The following RIN3 variants were observed in gnomAD, a reference collection of about 807,000 sequenced individuals.
The protein encoded by RIN3 is Ras and Rab interactor 3.
RIN3 carries 54 observed loss-of-function variants against 76.3 expected under a neutral mutation model. The ratio of observed to expected loss-of-function variants is 0.71; its 90% CI spans 0.57 to 0.89. RIN3 has a LOEUF of 0.89. Among genes scored for constraint, RIN3 ranks in the 40% least tolerant of loss-of-function variants. RIN3 has a pLI of 0.00. For missense variants in RIN3, 1,256 were observed against 1,322.1 expected (o/e 0.95, Z 0.78); for synonymous variants, 576 against 564.0 (o/e 1.02, Z -0.30).
chr14:92,602,079 G>A (rs1194534365), intron 3 of RIN3, among the ~76,000 whole-genome samples: 1 of 152,246 alleles, frequency 6.6e-6, no homozygotes, highest in African/African-American at 2.4e-5. Flanking sequence ...GCAACGACGA[G>A]CCCTGTGAAG....
At chr14:92,540,101 G>T (rs1897097757) in intron 1 of RIN3, among the ~76,000 whole-genome samples, 1 of 152,226 alleles carries the variant, frequency 6.6e-6, no homozygotes. Flanking sequence ...AGTGACAGAA[G>T]GCCTGCAGCG....
At chr14:92,627,690 G>A (rs955995971) in intron 4 of RIN3, among the ~76,000 whole-genome samples, 4 of 152,200 alleles carry the variant, frequency 2.6e-5, no homozygotes, top group African/African-American at 7.2e-5. Flanking sequence ...GTCACAGTGG[G>A]TGGGGTCCCA....
intron 1 of RIN3, among the ~76,000 whole-genome samples, chr14:92,536,742 GAAAA>G (rs66654234): frequency 1.6e-5 from 2 of 128,230 alleles, no homozygotes; most frequent in Admixed American, 8.1e-5. Flanking sequence ...CTCCGTCTCA[GAAAA>G]AAAAAAAAAA....
intron 7 of RIN3, among the ~76,000 whole-genome samples, chr14:92,673,795 C>T (rs1441819315): frequency 6.6e-6 from 1 of 152,172 alleles, no homozygotes; most frequent in Non-Finnish European, 1.5e-5. Flanking sequence ...CATGAGCCAC[C>T]GCGCCCGGCC....
At chr14:92,527,844 C>T (rs1024652273) in intron 1 of RIN3, among the ~76,000 whole-genome samples, 11 of 152,120 alleles carry the variant, frequency 7.2e-5, no homozygotes, top group African/African-American at 2.7e-4. Context: ...TCCTCTTTGT[C>T]GCTGAGAATA....
intron 1 of RIN3, among the ~76,000 whole-genome samples, chr14:92,536,962 CAT>C (rs931907581): frequency 3.3e-5 from 5 of 151,764 alleles, no homozygotes; most frequent in Non-Finnish European, 7.4e-5. Context: ...ACTCTGGAAA[CAT>C]AATTTATTTC....
chr14:92,654,084 T>TG (rs942472596), intron 6 of RIN3, among the ~76,000 whole-genome samples: 3 of 150,768 alleles, frequency 2.0e-5, no homozygotes, highest in South Asian at 4.2e-4. Context: ...GAGGCTGAGG[T>TG]GGGGGGATCA....
chr14:92,577,301 C>T, intron 2 of RIN3, 59 bp from the exon 3 acceptor site: 2 of 1,218,322 alleles, frequency 1.6e-6, no homozygotes, highest in Admixed American at 1.8e-5. Context: ...CGTGGTTGTC[C>T]TCCTCACCTT....
Position 92,688,111 on chromosome 14 carries a change from G to A in RIN3, c.2817G>A (p.Leu939=), listed in dbSNP as rs1408546747. Residue 939 remains leucine (L), a synonymous_variant, in exon 10 of 10, where the codon CTG becomes CTA. Coordinates refer to ENST00000216487, the MANE Select transcript of RIN3 (RefSeq NM_024832.5). ...GCTTCCAGCTGGCGGACGACGCGCT[G>A]CCGCACTGCATCAAGGGCTACCTGC... The part of the protein sequence containing the change: ...GRCFQLADDA[L]PHCIKGYLLR... The A allele has an allele frequency of 6.2e-7, 1 of 1,608,758 alleles. No homozygotes were observed. Among genetic ancestry groups the A allele is most frequent in the African/African-American group, 1.3e-5 (1 of 74,992 alleles).
At position 92,652,097 on chromosome 14, in the gene RIN3, G is replaced by A. The variant is rs1182937712; in HGVS notation, c.1048G>A (p.Gly350Ser). 1 of 1,605,490 alleles carries A rather than the reference G, an allele frequency of 6.2e-7. No homozygotes were observed. ...TCERLPCPTA[G>S]LGPLREEAMK... ...CGAGAGACTCCCATGCCCCACTGCA[G>A]GCCTGGGCCCCCTCAGGGAGGAAGC... is the stretch of plus-strand genomic sequence containing the variant. The change falls in exon 6 of 10, where the codon GGC becomes AGC. Residue 350 changes from glycine (G) to serine (S), a missense_variant. Physicochemically the swap from Gly to Ser is moderately conservative, Grantham distance 56. Coordinates refer to ENST00000216487, the MANE Select transcript of RIN3 (RefSeq NM_024832.5). The surrounding 1 kb of genome is among the most constrained non-coding windows in gnomAD (Gnocchi z 6.4).
At position 92,623,604 on chromosome 14, in the gene RIN3, G is replaced by A. The variant is rs138668320; in HGVS notation, c.440+8125G>A. On this transcript the variant is annotated intron_variant, in intron 4 of 9. Transcript: ENST00000216487. This position sits in a 1 kb window ranked among gnomAD's most constrained non-coding sequence, Gnocchi z 4.9. The stretch of plus-strand genomic sequence containing the variant: ...TGAGGGGCCTCTCTTGTTTTACGGC[G>A]TTGTGGTTTCTTTTTTTCTGGTTGT... Among the ~76,000 whole-genome samples the A allele has an allele frequency of 4.6e-5, 7 of 152,272 alleles. No individual in the cohort carries two copies. Among genetic ancestry groups the A allele is most frequent in the East Asian group, 1.9e-4 (1 of 5,186 alleles).
chr14:92,574,912 C>A (rs973923896), intron 2 of RIN3, among the ~76,000 whole-genome samples: 2 of 152,110 alleles, frequency 1.3e-5, no homozygotes, highest in Non-Finnish European at 2.9e-5. Context: ...AGTTGAAGGT[C>A]CTGAGTTTCA....
chr14:92,574,514 C>T (rs1898157585), intron 2 of RIN3, among the ~76,000 whole-genome samples: 1 of 152,190 alleles, frequency 6.6e-6, no homozygotes, highest in East Asian at 1.9e-4. Context: ...AAGCTTCCAG[C>T]TTGCTTGTCT....
intron 3 of RIN3, among the ~76,000 whole-genome samples, chr14:92,591,299 A>C (rs949444649): frequency 6.6e-6 from 1 of 152,212 alleles, no homozygotes; most frequent in Non-Finnish European, 1.5e-5. Context: ...AAGCAAAGAG[A>C]AAAAAGACTG....
chr14:92,578,440 G>A (rs779171595), intron 3 of RIN3, among the ~76,000 whole-genome samples: 17 of 152,034 alleles, frequency 1.1e-4, no homozygotes, highest in Admixed American at 4.6e-4. Flanking sequence ...TCTCCTCCTC[G>A]CATGGTATAA....
chr14:92,675,833 T>C (rs1477031845), intron 7 of RIN3, among the ~76,000 whole-genome samples: 2 of 152,200 alleles, frequency 1.3e-5, no homozygotes, highest in African/African-American at 4.8e-5. Context: ...ACTGTTCCTT[T>C]ATAGAGCGCC....
rs180820430 is a variant in RIN3, at chr14:92,640,049, C to T, written c.441-1189C>T. On this transcript the variant is annotated intron_variant, in intron 4 of 9. Transcript: ENST00000216487. ...GTCGAGGGCTGCCTGACTGTGTGTT[C>T]GTCGGGGGCTGCCTGACTGCGTTTG... 9.0e-5 allele frequency among the ~76,000 whole-genome samples: 11 copies of T among 121,752 alleles called. No homozygotes were observed. In the East Asian group the frequency reaches 2.1e-3, roughly 24 times the overall value. 79.9% of individuals were successfully genotyped at this position (121,752 alleles called of 152,430 possible).
chr14:92,652,967 A>G lies in RIN3; in HGVS notation c.1918A>G (p.Met640Val), dbSNP rs759314198. Residue 640 changes from methionine (M) to valine (V), a missense_variant, in exon 6 of 10, where the codon ATG (methionine) becomes GTG (valine). Met to Val is a conservative substitution (Grantham distance 21). Coordinates refer to ENST00000216487, the MANE Select transcript of RIN3 (RefSeq NM_024832.5). This position sits in a 1 kb window ranked among gnomAD's most constrained non-coding sequence, Gnocchi z 6.4. ...MMARQTSSTE[M>V]LQEIRTMMTQ... is the part of the protein sequence containing the mutation. ...GGCGCGCCAGACCTCCAGCACGGAG[A>G]TGCTGCAGGAGATTCGCACCATGAT... 6.2e-7 allele frequency: 1 copy of G among 1,613,642 alleles called. No individual in the cohort carries two copies. The highest frequency in any genetic ancestry group is 2.2e-5 in the East Asian group (1 of 44,876).
At chr14:92,677,885 T>C in intron 8 of RIN3, among the ~76,000 whole-genome samples, 1 of 136,822 alleles carries the variant, frequency 7.3e-6, no homozygotes. Context: ...CCTATCCATC[T>C]ATCCATCTAT....
Sources: gnomAD v4.1 joint callset for allele counts (sites outside exome capture counted in the v4.1 genomes callset) on GRCh38, gnomAD v4.1.1 for gene constraint, Gnocchi (gnomAD v3.1) non-coding constraint, MANE v1.5 for transcripts, NCBI Gene and HGNC (gene_info 2026-07-23, HGNC 2026-07-21) for gene names.